Variants in ARHGEF4 observed in about 807,000 individuals in gnomAD.
ARHGEF4 encodes the protein Rho guanine nucleotide exchange factor 4.
ARHGEF4 carries 119 observed loss-of-function variants against 162.0 expected under a neutral mutation model. The observed-to-expected ratio is 0.73, with a 90% CI of 0.63 to 0.86. The LOEUF (loss-of-function observed/expected upper bound fraction) is 0.86. Among genes scored for constraint, ARHGEF4 ranks in the 40% least tolerant of loss-of-function variants. The pLI, the probability that ARHGEF4 is intolerant of heterozygous loss-of-function variation, is 0.00. For missense variants in ARHGEF4, 2,488 were observed against 2,456.0 expected, an observed-to-expected ratio of 1.01 and a Z score of -0.28; for synonymous variants, 1,014 against 979.9, an observed-to-expected ratio of 1.03 and a Z score of -0.65.
chr2:130,853,359 T>G (rs1421358566), intron 1 of ARHGEF4, among the ~76,000 whole-genome samples: 1 of 152,148 alleles, frequency 6.6e-6, no homozygotes, highest in Non-Finnish European at 1.5e-5. Context: ...TCCTGGAACA[T>G]CCTGCCGGCT....
At position 130,843,550 on chromosome 2, in the gene ARHGEF4, C is replaced by T. The variant is rs113973535; in HGVS notation, c.39+6558C>T. 4.3e-3 allele frequency among the ~76,000 whole-genome samples: 659 copies of T among 152,184 alleles called. 4 individuals are homozygous for T. Among genetic ancestry groups the T allele is most frequent in the Middle Eastern group, 0.031 (9 of 294 alleles). Reference sequence around the variant, plus strand: ...CTGCTCAGAGGCACCAGTGCTTCCTCGTGCTATAGGCCTCCTCTCCCCCAC... The same window carrying T: ...CTGCTCAGAGGCACCAGTGCTTCCTTGTGCTATAGGCCTCCTCTCCCCCAC... On this transcript the variant is annotated intron_variant, in intron 1 of 13. Transcript: ENST00000409359.
chr2:130,969,311 AT>A (rs1279999687), intron 4 of ARHGEF4, among the ~76,000 whole-genome samples: 1 of 152,076 alleles, frequency 6.6e-6, no homozygotes, highest in Admixed American at 6.6e-5. Context: ...AAAAAATCAT[AT>A]GTCAGCCGGG....
chr2:130,864,687 G>A (rs888047277), intron 1 of ARHGEF4, among the ~76,000 whole-genome samples: 3 of 152,190 alleles, frequency 2.0e-5, no homozygotes, highest in African/African-American at 7.2e-5. Context: ...TCATGCCACT[G>A]CACTCCAATC....
At chr2:130,907,118 A>G (rs1181506756) in intron 1 of ARHGEF4, among the ~76,000 whole-genome samples, 1 of 151,998 alleles carries the variant, frequency 6.6e-6, no homozygotes, top group African/African-American at 2.4e-5. Flanking sequence ...AATGGATCAT[A>G]CAATATGCAG....
At chr2:131,000,215 T>A (rs1687678101) in intron 4 of ARHGEF4, among the ~76,000 whole-genome samples, 1 of 152,240 alleles carries the variant, frequency 6.6e-6, no homozygotes, top group Non-Finnish European at 1.5e-5. Flanking sequence ...TATAATTTAT[T>A]TCCTCTTTTG....
At chr2:131,007,500 A>C (rs936367739) in intron 4 of ARHGEF4, among the ~76,000 whole-genome samples, 7 of 152,140 alleles carry the variant, frequency 4.6e-5, no homozygotes, top group African/African-American at 1.7e-4. Flanking sequence ...TAAAATATAA[A>C]CGTGTTTGTT....
Position 130,916,473 on chromosome 2 carries a change from C to G in ARHGEF4, c.2527C>G (p.Arg843Gly), listed in dbSNP as rs1035624919. ...GGAGAATCCGCCCGCTGCGGCCGGTCGGGACGCACCGCCTCTGCACCACGG... is the reference window on the plus strand; with the variant it reads ...GGAGAATCCGCCCGCTGCGGCCGGTGGGGACGCACCGCCTCTGCACCACGG... ...PRENPPAAAG[R>G]DAPPLHHGDA... Residue 843 changes from arginine to glycine, a missense_variant, in exon 2 of 14, where the codon CGG becomes GGG. Coordinates refer to ENST00000409359, the MANE Select transcript of ARHGEF4 (RefSeq NM_001367493.1). The G allele has an allele frequency of 6.5e-7, 1 of 1,544,652 alleles. No homozygotes were observed. Among genetic ancestry groups the G allele is most frequent in the Non-Finnish European group, 8.7e-7 (1 of 1,146,264 alleles).
chr2:130,985,366 C>T (rs1686410511), intron 4 of ARHGEF4, among the ~76,000 whole-genome samples: 7 of 152,136 alleles, frequency 4.6e-5, no homozygotes, highest in Admixed American at 4.6e-4. Context: ...GTAGGTTCTG[C>T]TGCTCACCAC....
chr2:130,910,826 ATAAC>A (rs1162330055), intron 1 of ARHGEF4, among the ~76,000 whole-genome samples: 5 of 152,234 alleles, frequency 3.3e-5, no homozygotes, highest in Admixed American at 6.5e-5. Context: ...TCAGAAACAG[ATAAC>A]TAACACATAC....
chr2:130,839,875 T>C (rs530645971), intron 1 of ARHGEF4, among the ~76,000 whole-genome samples: 1 of 152,326 alleles, frequency 6.6e-6, no homozygotes, highest in South Asian at 2.1e-4. Flanking sequence ...CTCTGGTACA[T>C]GTATGTCCTA....
At chr2:130,897,181 C>T (rs758348646) in intron 1 of ARHGEF4, among the ~76,000 whole-genome samples, 1 of 152,172 alleles carries the variant, frequency 6.6e-6, no homozygotes, top group African/African-American at 2.4e-5. Flanking sequence ...TAACCAACAG[C>T]GCACACAGTA....
chr2:131,012,018 C>T (rs12612379), intron 4 of ARHGEF4: 670,792 of 672,382 alleles, frequency 1, 334,617 homozygotes, highest in East Asian at 1. Context: ...GAAAGACAGG[C>T]GTCAGGATAA....
At chr2:130,926,660 TAGGC>T in intron 2 of ARHGEF4, among the ~76,000 whole-genome samples, 1 of 152,076 alleles carries the variant, frequency 6.6e-6, no homozygotes, top group Non-Finnish European at 1.5e-5. Context: ...CATTTACTAA[TAGGC>T]AGGGATGAGA....
Position 130,931,075 on chromosome 2 carries a change from C to G in ARHGEF4, c.3676C>G (p.Leu1226Val), listed in dbSNP as rs1246987609. The G allele has an allele frequency of 1.2e-6, 2 of 1,614,198 alleles. No individual in the cohort carries two copies. The highest frequency in any genetic ancestry group is 1.7e-6 in the Non-Finnish European group (2 of 1,180,034). Residue 1226 changes from leucine (L) to valine (V), a missense_variant, in exon 3 of 14, where the codon CTC becomes GTC. Physicochemically the swap from Leu to Val is conservative, Grantham distance 32 (BLOSUM62 1). This residue lies in a region of ARHGEF4 where 1,642 missense variants were observed against 1,481.5 expected (regional missense o/e 1.11). Transcript: ENST00000409359. ...CACTGACATGGTGACATGGGCCCTCCTCTGCATCTCTGCAGAGACTGTGCG... is the reference window on the plus strand; with the variant it reads ...CACTGACATGGTGACATGGGCCCTCGTCTGCATCTCTGCAGAGACTGTGCG... ...FTTDMVTWALLCISAETVRGE... is the reference protein window; with the variant it reads ...FTTDMVTWALVCISAETVRGE...
At chr2:130,884,808 A>G (rs931497383) in intron 1 of ARHGEF4, among the ~76,000 whole-genome samples, 1 of 151,842 alleles carries the variant, frequency 6.6e-6, no homozygotes, top group African/African-American at 2.4e-5. Flanking sequence ...TTGAGGCCGG[A>G]CCCTGCTGCC....
At chr2:130,854,824 A>C (rs1030191703) in intron 1 of ARHGEF4, among the ~76,000 whole-genome samples, 10 of 151,920 alleles carry the variant, frequency 6.6e-5, no homozygotes, top group Non-Finnish European at 1.5e-4. Flanking sequence ...CAGGGCGTGC[A>C]GCTTTGCTGG....
At position 130,914,793 on chromosome 2, in the gene ARHGEF4, T is replaced by C. The variant is rs1474024321; in HGVS notation, c.847T>C (p.Leu283=). 1 of 1,441,920 alleles carries C rather than the reference T, an allele frequency of 6.9e-7. No individual in the cohort carries two copies. The highest frequency in any genetic ancestry group is 9.1e-7 in the Non-Finnish European group (1 of 1,102,272). 89.3% of individuals were successfully genotyped at this position (1,441,920 alleles called of 1,614,324 possible). The change falls in exon 2 of 14, where the codon TTG becomes CTG. Residue 283 remains leucine, a synonymous_variant. Coordinates refer to ENST00000409359, the MANE Select transcript of ARHGEF4 (RefSeq NM_001367493.1). ...STLGPAGDTE[L]LWSQPHSDVP... ...TCTAGGCCCTGCAGGGGACACAGAA[T>C]TGCTCTGGTCCCAGCCCCACTCGGA...
chr2:130,854,119 T>TA (rs1192505565), intron 1 of ARHGEF4, among the ~76,000 whole-genome samples: 2 of 151,942 alleles, frequency 1.3e-5, no homozygotes, highest in Non-Finnish European at 2.9e-5. Flanking sequence ...AAACGGTAAA[T>TA]AAAAAAATTA....
At chr2:130,996,940 C>G (rs1364291733) in intron 4 of ARHGEF4, among the ~76,000 whole-genome samples, 5 of 152,084 alleles carry the variant, frequency 3.3e-5, no homozygotes, top group Non-Finnish European at 5.9e-5. Flanking sequence ...TGCAAGAGCT[C>G]CTTTTATATT....
Sources: gnomAD v4.1 joint callset for allele counts (sites outside exome capture counted in the v4.1 genomes callset) on GRCh38, gnomAD v4.1.1 for gene constraint, gnomAD v4.1.1 regional missense constraint, MANE v1.5 for transcripts, NCBI Gene and HGNC (gene_info 2026-07-23, HGNC 2026-07-21) for gene names.